Variants in RBFOX1 observed in about 807,000 individuals in gnomAD.
RBFOX1 encodes RNA binding protein fox-1 homolog 1.
RBFOX1 carries 8 observed loss-of-function variants against 57.7 expected under a neutral mutation model. That is an observed-to-expected ratio of 0.14 (90% CI 0.08 to 0.25). The LOEUF (loss-of-function observed/expected upper bound fraction) is 0.25, where lower values mean the gene tolerates loss of function less well. Among genes scored for constraint, RBFOX1 ranks in the 10% least tolerant of loss-of-function variants. The pLI is 1.00. For synonymous variants in RBFOX1, 326 were observed against 222.4 expected (o/e 1.47, Z -4.15); for missense variants, 611 against 548.5 (o/e 1.11, Z -1.14).
intron 3 of RBFOX1, among the ~76,000 whole-genome samples, chr16:6,794,835 T>C (rs910714713): frequency 2.6e-5 from 4 of 152,142 alleles, no homozygotes; most frequent in African/African-American, 9.7e-5. Flanking sequence ...AGGCACTGCT[T>C]TCCAAGGTAA....
chr16:5,580,564 G>A (rs539992233), intron 2 of RBFOX1, among the ~76,000 whole-genome samples: 3 of 152,294 alleles, frequency 2.0e-5, no homozygotes, highest in South Asian at 4.1e-4. Flanking sequence ...AGCTCCAGCT[G>A]GTCCTGCTTC....
intron 3 of RBFOX1, among the ~76,000 whole-genome samples, chr16:5,699,385 C>G (rs1164906973): frequency 1.9e-5 from 2 of 103,578 alleles, no homozygotes; most frequent in Non-Finnish European, 4.0e-5. Flanking sequence ...TTTTTTTTTT[C>G]TCCTGCTCTT....
intron 1 of RBFOX1, among the ~76,000 whole-genome samples, chr16:6,166,233 C>G (rs2096915973): frequency 6.6e-6 from 1 of 152,128 alleles, no homozygotes; most frequent in South Asian, 2.1e-4. Flanking sequence ...ACCTCACAGG[C>G]CTTCCCTGCC....
intron 3 of RBFOX1, among the ~76,000 whole-genome samples, chr16:5,815,375 C>T (rs2055596319): frequency 6.6e-6 from 1 of 152,012 alleles, no homozygotes; most frequent in Non-Finnish European, 1.5e-5. Flanking sequence ...TTGGAGACCC[C>T]AGTGGTCAGT....
chr16:6,708,761 G>C (rs1239840862), intron 3 of RBFOX1, among the ~76,000 whole-genome samples: 1 of 152,166 alleles, frequency 6.6e-6, no homozygotes, highest in Non-Finnish European at 1.5e-5. Flanking sequence ...CCCTTCGACT[G>C]GCTGTGGGGA....
chr16:6,724,088 G>C (rs1055374485), intron 3 of RBFOX1, among the ~76,000 whole-genome samples: 2 of 152,132 alleles, frequency 1.3e-5, no homozygotes, highest in Non-Finnish European at 2.9e-5. Context: ...ATAGTATTAG[G>C]AGGTGATGAG....
intron 2 of RBFOX1, among the ~76,000 whole-genome samples, chr16:6,602,388 G>A (rs1476671520): frequency 6.6e-6 from 1 of 152,078 alleles, no homozygotes; most frequent in Non-Finnish European, 1.5e-5. Context: ...TGTTTATAAG[G>A]AAAACAGCAA....
chr16:7,357,583 C>A (rs2097241743), intron 4 of RBFOX1, among the ~76,000 whole-genome samples: 2 of 152,142 alleles, frequency 1.3e-5, no homozygotes, highest in African/African-American at 4.8e-5. Flanking sequence ...ACATTTTGAG[C>A]CCTATATGTG....
At chr16:6,966,280 G>T (rs978361898) in intron 3 of RBFOX1, among the ~76,000 whole-genome samples, 6 of 152,134 alleles carry the variant, frequency 3.9e-5, no homozygotes, top group African/African-American at 1.4e-4. Flanking sequence ...CGTTGACTGG[G>T]CACTCCTGCA....
chr16:6,330,332 T>A (rs1488591066), intron 2 of RBFOX1, among the ~76,000 whole-genome samples: 2 of 152,148 alleles, frequency 1.3e-5, no homozygotes, highest in African/African-American at 4.8e-5. Flanking sequence ...TTGAAGAACT[T>A]GAAGGTTTCA....
chr16:6,189,330 C>T (rs552227149), intron 1 of RBFOX1, among the ~76,000 whole-genome samples: 13 of 152,310 alleles, frequency 8.5e-5, no homozygotes, highest in South Asian at 6.2e-4. Context: ...GTGCCATTCC[C>T]GGAGTGCATT....
At chr16:6,250,330 A>T (rs2097598881) in intron 1 of RBFOX1, among the ~76,000 whole-genome samples, 1 of 152,162 alleles carries the variant, frequency 6.6e-6, no homozygotes, top group Non-Finnish European at 1.5e-5. Context: ...TAATTTTGCA[A>T]GCCCATATTA....
chr16:7,611,565 G>A (rs2057470016), intron 10 of RBFOX1, among the ~76,000 whole-genome samples: 2 of 147,448 alleles, frequency 1.4e-5, no homozygotes, highest in Non-Finnish European at 3.0e-5. Context: ...GGTGACAAGA[G>A]CAAAACTCTG....
intron 4 of RBFOX1, among the ~76,000 whole-genome samples, chr16:7,175,940 C>G (rs963748578): frequency 3.9e-5 from 6 of 152,030 alleles, no homozygotes; most frequent in African/African-American, 1.2e-4. Context: ...GCTGCACAGA[C>G]TTTTAAACCT....
intron 3 of RBFOX1, among the ~76,000 whole-genome samples, chr16:6,736,112 G>C (rs1041370256): frequency 6.6e-6 from 1 of 151,888 alleles, no homozygotes; most frequent in Non-Finnish European, 1.5e-5. Context: ...CATCCAAGGA[G>C]ACATAAATAC....
chr16:7,051,542 C>A (rs7205508), intron 3 of RBFOX1, among the ~76,000 whole-genome samples: 6 of 152,336 alleles, frequency 3.9e-5, no homozygotes, highest in African/African-American at 1.4e-4. Context: ...CAGCACAATC[C>A]TATGGGGACT....
intron 1 of RBFOX1, among the ~76,000 whole-genome samples, chr16:6,157,828 A>G (rs562065551): frequency 7.9e-5 from 12 of 152,330 alleles, no homozygotes; most frequent in Middle Eastern, 3.4e-3. Flanking sequence ...ATTATCAGCA[A>G]TGTTAGACTT....
Position 6,863,308 on chromosome 16 carries a change from G to T in RBFOX1, c.-15-188749G>T, listed in dbSNP as rs569020749. Among the ~76,000 whole-genome samples the T allele has an allele frequency of 2.6e-5, 4 of 152,140 alleles. No individual in the cohort carries two copies. The South Asian group carries it at 8.3e-4, about 32-fold the overall frequency. On this transcript the variant is annotated intron_variant, in intron 3 of 15. Coordinates refer to ENST00000550418, the MANE Select transcript of RBFOX1 (RefSeq NM_018723.4). ...CTGGGAAAAGTGATTAGCAGCAAAT[G>T]GTCAAGATGAATGGGTAGAGACAAA...
intron 1 of RBFOX1, among the ~76,000 whole-genome samples, chr16:6,032,734 T>A (rs187310983): frequency 4.6e-5 from 7 of 152,174 alleles, no homozygotes; most frequent in Non-Finnish European, 8.8e-5. Flanking sequence ...GCTACAGTTA[T>A]AAATGAAAAG....
Sources: gnomAD v4.1 joint callset for allele counts (sites outside exome capture counted in the v4.1 genomes callset) on GRCh38, gnomAD v4.1.1 for gene constraint, MANE v1.5 for transcripts, NCBI Gene and HGNC (gene_info 2026-07-23, HGNC 2026-07-21) for gene names.